TJAP1: variants seen among roughly 807,000 people sequenced by gnomAD.
The protein encoded by TJAP1 is tight junction-associated protein 1.
A neutral mutation model predicts 42.0 loss-of-function variants in TJAP1; 27 were observed. The ratio of observed to expected loss-of-function variants is 0.64; its 90% confidence interval spans 0.47 to 0.89. The LOEUF (loss-of-function observed/expected upper bound fraction) is 0.89, where lower values mean the gene tolerates loss of function less well. Among genes scored for constraint, TJAP1 ranks in the 40% least tolerant of loss-of-function variants. TJAP1 has a pLI of 0.00. For synonymous variants in TJAP1, 257 were observed against 288.4 expected (o/e 0.89, Z 1.10); for missense variants, 712 against 726.9 (o/e 0.98, Z 0.24).
rs767085594 is a variant in TJAP1, at chr6:43,502,076, A to ACACACACACACT, written c.291-206_291-205insACACACACACTC. On this transcript the variant is annotated intron_variant, in intron 6 of 10. Transcript: ENST00000372449. ...CACACACACACACACACACACACACACTCTCTCTCTCTCTCTCTCTCTCTC... is the reference window on the plus strand; with the variant it reads ...CACACACACACACACACACACACACACACACACACACTCTCTCTCTCTCTCTCTCTCTCTCTC... Among the ~76,000 whole-genome samples, 14 of 68,956 alleles carry ACACACACACACT rather than the reference A, an allele frequency of 2.0e-4. 1 individual carries two copies. Among genetic ancestry groups the ACACACACACACT allele is most frequent in the South Asian group, 1.0e-3 (2 of 1,952 alleles). The allele number at this position is 68,956 out of a possible 152,430, so 45.2% of individuals were successfully genotyped here.
Position 43,505,082 on chromosome 6 carries a change from C to T in TJAP1, c.901C>T (p.Pro301Ser). The stretch of plus-strand genomic sequence containing the variant: ...CTCTCTGGGTACTGCCAGGGGCTCC[C>T]CGGAGGAAGAGCTGCCCCTGCCAGC... The change falls in exon 11 of 11, where the codon CCG becomes TCG. Residue 301 changes from proline (P) to serine (S), a missense_variant. Pro to Ser is a moderately conservative substitution (Grantham distance 74, BLOSUM62 -1). Around this residue, in one of 3 missense-constraint regions of TJAP1, gnomAD observed 549 missense variants for 528.2 expected, o/e 1.04. Coordinates refer to ENST00000372449, the Ensembl canonical transcript of TJAP1. The surrounding 1 kb of genome is among the most constrained non-coding windows in gnomAD (Gnocchi z 5.5). 2 of 1,614,150 alleles carry T rather than the reference C, an allele frequency of 1.2e-6. No homozygotes were observed. Among genetic ancestry groups the T allele is most frequent in the Non-Finnish European group, 1.7e-6 (2 of 1,180,016 alleles).
chr6:43,502,164 A>G, intron 6 of TJAP1, 119 bp from the exon 7 acceptor site: 2 of 924,476 alleles, frequency 2.2e-6, no homozygotes, highest in Non-Finnish European at 3.3e-6. Flanking sequence ...AATTCCTATT[A>G]GAAAACTGAA....
intron 2 of TJAP1, among the ~76,000 whole-genome samples, chr6:43,482,520 C>G (rs1403676504): frequency 1.3e-5 from 2 of 152,178 alleles, no homozygotes; most frequent in Non-Finnish European, 1.5e-5. Flanking sequence ...TCCTTCAGGT[C>G]TCAGTTTAAA....
intron 6 of TJAP1, 110 bp downstream of exon 6, chr6:43,501,797 C>T (rs1185359256): frequency 1.5e-6 from 1 of 654,684 alleles, no homozygotes; most frequent in Non-Finnish European, 2.8e-6. Context: ...CTCTGTCTCT[C>T]TCCTTTCATA....
rs116218097 is a variant in TJAP1, at chr6:43,481,386, A to T, written c.-122+3154A>T. Reference sequence around the variant, plus strand: ...TAATGTAGATGTACGTATAAGGCTCATTTCTGACTTTGATTACTGACATGA... The same window carrying T: ...TAATGTAGATGTACGTATAAGGCTCTTTTCTGACTTTGATTACTGACATGA... On this transcript the variant is annotated intron_variant, in intron 2 of 10. Transcript: ENST00000372449. Among the ~76,000 whole-genome samples, 826 of 152,092 alleles carry T rather than the reference A, an allele frequency of 5.4e-3. 8 individuals are homozygous for T. Among genetic ancestry groups the T allele is most frequent in the African/African-American group, 0.019 (792 of 41,466 alleles).
intron 6 of TJAP1, among the ~76,000 whole-genome samples, chr6:43,501,891 C>CCACACACACACACACACA (rs550223728): frequency 2.6e-5 from 1 of 39,074 alleles, no homozygotes; most frequent in African/African-American, 1.1e-4. Flanking sequence ...GAATGCGGGG[C>CCACACACACACACACACA]CACACACACA....
At chr6:43,498,265 A>G (rs76677608) in intron 3 of TJAP1, among the ~76,000 whole-genome samples, 33 of 152,332 alleles carry the variant, frequency 2.2e-4, no homozygotes, top group Middle Eastern at 3.4e-3. Context: ...CAACAACCCT[A>G]TGAATTGGTG....
In TJAP1 at chr6:43,502,545, T is replaced by TC. The variant is rs1016796694; in HGVS notation, c.358-38dup. 31 of 1,550,984 alleles carry TC rather than the reference T, an allele frequency of 2.0e-5. No homozygotes were observed. In the Admixed American group the frequency reaches 4.3e-4, roughly 22 times the overall value. ...ACACTGTTTCTCTTCTTTCCTCGTC[T>TC]CCCCCTCATGCTGCCACCGTTGCTG... On this transcript the variant is annotated intron_variant, in intron 7 of 10. Coordinates refer to ENST00000372449, the Ensembl canonical transcript of TJAP1.
chr6:43,481,870 TC>T (rs1426766214), intron 2 of TJAP1, among the ~76,000 whole-genome samples: 1 of 152,186 alleles, frequency 6.6e-6, no homozygotes, highest in African/African-American at 2.4e-5. Flanking sequence ...CCCTTCTTTT[TC>T]TTCAACAAAT....
intron 2 of TJAP1, among the ~76,000 whole-genome samples, chr6:43,480,591 T>A (rs1785111255): frequency 6.6e-6 from 1 of 152,332 alleles, no homozygotes; most frequent in Non-Finnish European, 1.5e-5. Flanking sequence ...CTCTCCTCAC[T>A]GCAACCGCCG....
At chr6:43,490,857 T>C (rs1291247968) in intron 2 of TJAP1, among the ~76,000 whole-genome samples, 2 of 152,172 alleles carry the variant, frequency 1.3e-5, no homozygotes, top group Non-Finnish European at 2.9e-5. Context: ...GGCCTCAGAC[T>C]GGGAGATGGG....
rs146592264 is a variant in TJAP1, at chr6:43,500,671, G to A, written c.100-73G>A. ...GGCTTCACACCTGAGCCTTCTTGTG[G>A]CTATTTGGAGGGTGAGCCAGCCGGG... On this transcript the variant is annotated intron_variant, in intron 4 of 10. Coordinates refer to ENST00000372449, the Ensembl canonical transcript of TJAP1. 54 of 1,570,788 alleles carry A rather than the reference G, an allele frequency of 3.4e-5. No homozygotes were observed. In the African/African-American group the frequency reaches 6.1e-4, roughly 18 times the overall value.
In TJAP1 at chr6:43,500,810, C is replaced by T. The variant is rs895527604; in HGVS notation, c.128+38C>T. 1.9e-6 allele frequency: 3 copies of T among 1,611,980 alleles called. No homozygotes were observed. The South Asian group carries it at 3.3e-5, about 18-fold the overall frequency. ...TACCTGAGATACTGCCCTGCCTCAACTCTGTCCCTCTTAGCTCCAGGCTAG... is the reference window on the plus strand; with the variant it reads ...TACCTGAGATACTGCCCTGCCTCAATTCTGTCCCTCTTAGCTCCAGGCTAG... On this transcript the variant is annotated intron_variant, in intron 5 of 10. Coordinates refer to ENST00000372449, the Ensembl canonical transcript of TJAP1.
intron 10 of TJAP1, chr6:43,503,975 G>T: frequency 1.5e-6 from 1 of 669,810 alleles, no homozygotes. Context: ...GGAGAGGGTA[G>T]TCAGAGCTAT....
At chr6:43,501,927 A>ACACT (rs1427610297) in intron 6 of TJAP1, among the ~76,000 whole-genome samples, 41 of 71,586 alleles carry the variant, frequency 5.7e-4, no homozygotes, top group East Asian at 1.5e-3. Flanking sequence ...ACACACACAC[A>ACACT]CTCTCTCTCT....
At chr6:43,498,834 C>T (rs910324619) in intron 3 of TJAP1, 144 bp from the exon 4 acceptor site, 43 of 805,200 alleles carry the variant, frequency 5.3e-5, no homozygotes, top group Non-Finnish European at 2.7e-5. Flanking sequence ...AGTCCTGCCC[C>T]TCTAGTGACT....
At chr6:43,485,039 T>A (rs1786156946) in intron 2 of TJAP1, among the ~76,000 whole-genome samples, 1 of 152,194 alleles carries the variant, frequency 6.6e-6, no homozygotes, top group Non-Finnish European at 1.5e-5. Context: ...CCCCATCTCT[T>A]GTTTTGTGAT....
chr6:43,487,260 A>T (rs1786742711), intron 2 of TJAP1, among the ~76,000 whole-genome samples: 1 of 152,204 alleles, frequency 6.6e-6, no homozygotes, highest in African/African-American at 2.4e-5. Flanking sequence ...CCTACGGAGA[A>T]GCCATCCTAG....
chr6:43,484,148 T>A (rs1785930903), intron 2 of TJAP1, among the ~76,000 whole-genome samples: 1 of 152,032 alleles, frequency 6.6e-6, no homozygotes. Context: ...GCATATAGCA[T>A]GGTGCCTGGC....
Sources: gnomAD v4.1 joint callset for allele counts (sites outside exome capture counted in the v4.1 genomes callset) on GRCh38, gnomAD v4.1.1 for gene constraint, gnomAD v4.1.1 regional missense constraint, Gnocchi (gnomAD v3.1) non-coding constraint, MANE v1.5 for transcripts, NCBI Gene and HGNC (gene_info 2026-07-23, HGNC 2026-07-21) for gene names.